Variants in PCDHAC1 observed in about 807,000 individuals in gnomAD.
PCDHAC1 encodes the protein protocadherin alpha-C1.
In PCDHAC1, 42 loss-of-function variants were observed where a neutral mutation model predicts 60.0. The ratio of observed to expected loss-of-function variants is 0.70; its 90% CI spans 0.55 to 0.90. PCDHAC1 has a LOEUF of 0.90. PCDHAC1 is among the 40% of genes least tolerant of loss of function. PCDHAC1 has a pLI of 0.00. For synonymous variants in PCDHAC1, 468 were observed against 499.3 expected (o/e 0.94, Z 0.84); for missense variants, 1,160 against 1,222.3 (o/e 0.95, Z 0.76).
chr5:140,936,744 T>A (rs1204618787), intron 1 of PCDHAC1, among the ~76,000 whole-genome samples: 5 of 152,216 alleles, frequency 3.3e-5, no homozygotes, highest in Non-Finnish European at 5.9e-5. Context: ...AACTTTTCAT[T>A]TGTATTGATA....
chr5:140,994,988 A>G (rs781915746), intron 3 of PCDHAC1, among the ~76,000 whole-genome samples: 3 of 152,166 alleles, frequency 2.0e-5, no homozygotes, highest in Non-Finnish European at 4.4e-5. Flanking sequence ...ACCCACTAGA[A>G]GGTTAGTTGG....
chr5:140,993,519 GAGAC>G (rs1554253814), intron 3 of PCDHAC1, among the ~76,000 whole-genome samples: 1 of 151,288 alleles, frequency 6.6e-6, no homozygotes, highest in Non-Finnish European at 1.5e-5. Context: ...CGGGGAGAGA[GAGAC>G]AGAGAGAGAG....
chr5:140,994,892 G>A (rs1554254386), intron 3 of PCDHAC1, among the ~76,000 whole-genome samples: 2 of 152,192 alleles, frequency 1.3e-5, no homozygotes, highest in Non-Finnish European at 2.9e-5. Flanking sequence ...TAGGAAATGA[G>A]ATCAGAAATG....
chr5:140,990,898 G>A (rs1408537294), intron 3 of PCDHAC1, among the ~76,000 whole-genome samples: 3 of 152,146 alleles, frequency 2.0e-5, no homozygotes, highest in Non-Finnish European at 4.4e-5. Context: ...GGTCGTTGCT[G>A]GGTCAAGTTT....
chr5:140,957,792 T>C (rs148659760), intron 1 of PCDHAC1, among the ~76,000 whole-genome samples: 1 of 152,230 alleles, frequency 6.6e-6, no homozygotes, highest in East Asian at 1.9e-4. Flanking sequence ...TCATCATATA[T>C]GTTAAGTAAA....
At chr5:141,009,345 G>C (rs1409011729) in intron 3 of PCDHAC1, among the ~76,000 whole-genome samples, 1 of 152,164 alleles carries the variant, frequency 6.6e-6, no homozygotes, top group African/African-American at 2.4e-5. Context: ...TGTAGTTCCA[G>C]CTACTTGGGA....
At chr5:140,966,447 C>G (rs373859357) in intron 1 of PCDHAC1, 3 of 425,206 alleles carry the variant, frequency 7.1e-6, no homozygotes, top group Non-Finnish European at 8.2e-6. Flanking sequence ...CTCCCTTTCC[C>G]CCTCCCCCTC....
intron 1 of PCDHAC1, among the ~76,000 whole-genome samples, chr5:140,950,272 CT>C (rs373882606): frequency 7.9e-5 from 12 of 151,950 alleles, no homozygotes; most frequent in African/African-American, 2.9e-4. Flanking sequence ...TCCATAATGT[CT>C]TTTTGCTTCA....
intron 1 of PCDHAC1, among the ~76,000 whole-genome samples, chr5:140,973,558 T>C (rs1427190876): frequency 6.6e-6 from 1 of 152,238 alleles, no homozygotes; most frequent in Admixed American, 6.5e-5. Flanking sequence ...AATTACCTCT[T>C]TCCTCAATTT....
At chr5:140,990,084 C>T (rs31873) in intron 3 of PCDHAC1, among the ~76,000 whole-genome samples, 3,615 of 152,028 alleles carry the variant, frequency 0.024, 147 homozygotes, top group African/African-American at 0.081. Flanking sequence ...ACAAAGGATG[C>T]TTGTGCTACT....
intron 1 of PCDHAC1, among the ~76,000 whole-genome samples, chr5:140,934,320 T>C (rs910163789): frequency 6.6e-6 from 1 of 152,154 alleles, no homozygotes; most frequent in Non-Finnish European, 1.5e-5. Flanking sequence ...AAATGTCCAA[T>C]CATGAATGTA....
At chr5:140,941,217 T>TCCTTTCTTTCTTTCTTTCTTTCTG (rs2092892388) in intron 1 of PCDHAC1, among the ~76,000 whole-genome samples, 1 of 126,078 alleles carries the variant, frequency 7.9e-6, no homozygotes, top group Non-Finnish European at 1.7e-5. Context: ...CTTTCTTCCT[T>TCCTTTCTTTCTTTCTTTCTTTCTG]TCTTTCTTTC....
chr5:140,942,540 G>C lies in PCDHAC1; in HGVS notation c.2433+13215G>C, dbSNP rs1013086382. Among the ~76,000 whole-genome samples the C allele has an allele frequency of 8.5e-5, 13 of 152,164 alleles. No homozygotes were observed. In the South Asian group the frequency reaches 1.5e-3, roughly 17 times the overall value. ...GGGGAAGCAACTAACTCAGTATGGT[G>C]GGGGGTAGGGGGTTGAGGCAGAAAA... On this transcript the variant is annotated intron_variant, in intron 1 of 3. Transcript: ENST00000253807.
intron 1 of PCDHAC1, chr5:140,968,708 A>G: frequency 1.2e-6 from 2 of 1,614,126 alleles, no homozygotes; most frequent in Non-Finnish European, 1.7e-6. Flanking sequence ...TACCAGGAAG[A>G]TGGGAGATGA....
intron 1 of PCDHAC1, among the ~76,000 whole-genome samples, chr5:140,971,869 A>G (rs1277835883): frequency 1.3e-5 from 2 of 152,182 alleles, no homozygotes; most frequent in Non-Finnish European, 2.9e-5. Flanking sequence ...AACATCTAGC[A>G]TATGAGGAAA....
At chr5:141,007,839 A>C (rs782046722) in intron 3 of PCDHAC1, among the ~76,000 whole-genome samples, 2 of 152,226 alleles carry the variant, frequency 1.3e-5, no homozygotes, top group Non-Finnish European at 2.9e-5. Context: ...TACCCATTAG[A>C]GACTCAAAGT....
chr5:140,959,163 C>T (rs246007), intron 1 of PCDHAC1, among the ~76,000 whole-genome samples: 85,446 of 151,632 alleles, frequency 0.56, 24,671 homozygotes, highest in African/African-American at 0.69. Context: ...GATTGCTTGA[C>T]CCCAGGAGTT....
chr5:140,944,569 G>A (rs2093670092), intron 1 of PCDHAC1, among the ~76,000 whole-genome samples: 1 of 152,158 alleles, frequency 6.6e-6, no homozygotes, highest in African/African-American at 2.4e-5. Context: ...GCAACTTACT[G>A]TAGAGATCAC....
At chr5:140,946,867 G>A (rs1194586546) in intron 1 of PCDHAC1, among the ~76,000 whole-genome samples, 1 of 151,282 alleles carries the variant, frequency 6.6e-6, no homozygotes, top group Non-Finnish European at 1.5e-5. Context: ...GGAGAGGTTG[G>A]TCAATGGGTA....
Sources: gnomAD v4.1 joint callset for allele counts (sites outside exome capture counted in the v4.1 genomes callset) on GRCh38, gnomAD v4.1.1 for gene constraint, MANE v1.5 for transcripts, NCBI Gene and HGNC (gene_info 2026-07-23, HGNC 2026-07-21) for gene names.